The following MAP4K3 variants were observed in gnomAD, a reference collection of about 807,000 sequenced individuals.
MAP4K3 encodes mitogen-activated protein kinase kinase kinase kinase 3, also known as MAPK/ERK kinase kinase kinase 3.
Under a neutral mutation model 143.5 loss-of-function variants are expected in MAP4K3, and 94 were observed. That is an observed-to-expected ratio of 0.65 (90% CI 0.55 to 0.78). MAP4K3 has a LOEUF of 0.78. Ranked by LOEUF, MAP4K3 falls within the 30% of genes least tolerant of loss-of-function variation. The pLI is 0.00. For synonymous variants in MAP4K3, 416 were observed against 347.2 expected (o/e 1.20, Z -2.20); for missense variants, 1,077 against 1,068.1 (o/e 1.01, Z -0.12).
chr2:39,262,702 G>T (rs1230262657), intron 28 of MAP4K3, among the ~76,000 whole-genome samples: 3 of 152,180 alleles, frequency 2.0e-5, no homozygotes, highest in Admixed American at 2.0e-4. Context: ...GGCAGCAATT[G>T]TATCTAATGT....
chr2:39,402,195 C>T (rs1666970047), intron 1 of MAP4K3, among the ~76,000 whole-genome samples: 1 of 152,060 alleles, frequency 6.6e-6, no homozygotes. Context: ...AGATCAGACA[C>T]CAGAAAAGAT....
At chr2:39,376,875 A>G (rs1371063313) in intron 2 of MAP4K3, among the ~76,000 whole-genome samples, 3 of 152,232 alleles carry the variant, frequency 2.0e-5, no homozygotes, top group Non-Finnish European at 2.9e-5. Context: ...ATATTTCAAC[A>G]ACTTCAAATA....
chr2:39,342,208 G>A (rs1049908949), intron 4 of MAP4K3, among the ~76,000 whole-genome samples: 38 of 151,596 alleles, frequency 2.5e-4, no homozygotes, highest in African/African-American at 9.0e-4. Flanking sequence ...GTGCAATCTT[G>A]GCTCACTGCA....
At chr2:39,365,647 T>C (rs1011568306) in intron 2 of MAP4K3, among the ~76,000 whole-genome samples, 1 of 151,116 alleles carries the variant, frequency 6.6e-6, no homozygotes, top group African/African-American at 2.4e-5. Context: ...GGTTTCACCT[T>C]GTTAGCCAGG....
At chr2:39,317,733 A>C (rs966796874) in intron 12 of MAP4K3, among the ~76,000 whole-genome samples, 3 of 152,202 alleles carry the variant, frequency 2.0e-5, no homozygotes, top group African/African-American at 7.2e-5. Context: ...CAGAATGGTT[A>C]TTATTGAAAA....
chr2:39,351,841 T>G (rs1024615856), intron 3 of MAP4K3, among the ~76,000 whole-genome samples: 6 of 152,158 alleles, frequency 3.9e-5, no homozygotes, highest in Admixed American at 2.6e-4. Context: ...GCTAATTTTT[T>G]GTATTTTTAA....
At chr2:39,302,395 C>T (rs1682547521) in intron 15 of MAP4K3, among the ~76,000 whole-genome samples, 1 of 152,108 alleles carries the variant, frequency 6.6e-6, no homozygotes. Context: ...TTTAATACAA[C>T]CATTGTTTAC....
chr2:39,306,290 T>G (rs1439649722), intron 15 of MAP4K3, among the ~76,000 whole-genome samples: 1 of 152,280 alleles, frequency 6.6e-6, no homozygotes. Flanking sequence ...TGTGTAATTC[T>G]GAAAACATTT....
intron 33 of MAP4K3, 121 bp from the exon 34 acceptor site, chr2:39,250,826 G>T: frequency 1.3e-6 from 1 of 744,718 alleles, no homozygotes; most frequent in Non-Finnish European, 2.2e-6. Context: ...TTGATCGTGG[G>T]CAGAAATCAT....
chr2:39,297,000 A>G (rs951476986), intron 16 of MAP4K3, among the ~76,000 whole-genome samples: 1 of 152,194 alleles, frequency 6.6e-6, no homozygotes, highest in Non-Finnish European at 1.5e-5. Context: ...ACTATACTCA[A>G]CTGTGCCAGG....
intron 4 of MAP4K3, among the ~76,000 whole-genome samples, chr2:39,338,018 C>T (rs1665024048): frequency 6.6e-6 from 1 of 152,038 alleles, no homozygotes; most frequent in Non-Finnish European, 1.5e-5. Flanking sequence ...CTGCCTCAGC[C>T]TCCTGAAGTG....
At chr2:39,290,457 G>T in intron 18 of MAP4K3, 123 bp from the exon 19 acceptor site, 1 of 634,314 alleles carries the variant, frequency 1.6e-6, no homozygotes, top group Non-Finnish European at 2.7e-6. Flanking sequence ...TTCTAAGATT[G>T]TAAGTTTTTT....
At chr2:39,309,291 T>A (rs1042966733) in intron 14 of MAP4K3, among the ~76,000 whole-genome samples, 170 bp downstream of exon 14, 1 of 152,074 alleles carries the variant, frequency 6.6e-6, no homozygotes, top group African/African-American at 2.4e-5. Flanking sequence ...GTCAACTAAG[T>A]TTTAACATTT....
At chr2:39,381,882 C>T (rs1666364074) in intron 1 of MAP4K3, among the ~76,000 whole-genome samples, 1 of 152,170 alleles carries the variant, frequency 6.6e-6, no homozygotes, top group Non-Finnish European at 1.5e-5. Context: ...AGGCTACCAC[C>T]ACTTCCCACA....
intron 2 of MAP4K3, among the ~76,000 whole-genome samples, chr2:39,372,441 A>G (rs1053335154): frequency 6.6e-6 from 1 of 151,916 alleles, no homozygotes; most frequent in African/African-American, 2.4e-5. Context: ...AAATTATCCT[A>G]AAATTTTTAG....
chr2:39,421,291 T>C (rs1157941750), intron 1 of MAP4K3, among the ~76,000 whole-genome samples: 1 of 151,848 alleles, frequency 6.6e-6, no homozygotes, highest in Non-Finnish European at 1.5e-5. Context: ...CTACAAGGCA[T>C]GGGTTCTGGA....
intron 6 of MAP4K3, among the ~76,000 whole-genome samples, chr2:39,334,097 T>C (rs1454567009): frequency 1.3e-5 from 2 of 152,006 alleles, no homozygotes; most frequent in Admixed American, 1.3e-4. Flanking sequence ...AGGTTGTCTA[T>C]CCTAATGTGC....
rs140973798 is a variant in MAP4K3, at chr2:39,428,073, A to C, written c.96+8819T>G. On this transcript the variant is annotated intron_variant, in intron 1 of 33. Coordinates refer to ENST00000263881, the MANE Select transcript of MAP4K3 (RefSeq NM_003618.4). ...AGTCAACTTATTTTTCCCTTAAATT[A>C]AAATTCCTACAGTATTTATATAGTT... 1.4e-3 allele frequency among the ~76,000 whole-genome samples: 219 copies of C among 151,338 alleles called. 1 individual carries two copies. Among genetic ancestry groups the C allele is most frequent in the African/African-American group, 5.0e-3 (205 of 40,598 alleles).
chr2:39,323,415 T>C (rs532699746), intron 12 of MAP4K3: 1 of 152,318 alleles, frequency 6.6e-6, no homozygotes, highest in South Asian at 2.1e-4. Context: ...TAAGAAACAA[T>C]CATGTAGCAT....
Sources: allele counts gnomAD v4.1 joint callset (sites outside exome capture counted in the v4.1 genomes callset), GRCh38; gene constraint gnomAD v4.1.1; transcripts MANE v1.5; gene names NCBI Gene and HGNC (gene_info 2026-07-23, HGNC 2026-07-21).